DPAGT1: variants seen among roughly 807,000 people sequenced by gnomAD.
DPAGT1 encodes dolichyl-phosphate N-acetylglucosaminephosphotransferase 1.
DPAGT1 carries 25 observed loss-of-function variants against 39.3 expected under a neutral mutation model. That is an observed-to-expected ratio of 0.64 (90% CI 0.46 to 0.89). The LOEUF (loss-of-function observed/expected upper bound fraction) is 0.89. Among genes scored for constraint, DPAGT1 ranks in the 40% least tolerant of loss-of-function variants. The pLI is 0.00. For synonymous variants in DPAGT1, 193 were observed against 201.4 expected (o/e 0.96, Z 0.36); for missense variants, 381 against 500.6 (o/e 0.76, Z 2.28).
At chr11:119,099,372 C>G (rs1217472673) in intron 4 of DPAGT1, among the ~76,000 whole-genome samples, 1 of 142,122 alleles carries the variant, frequency 7.0e-6, no homozygotes, top group Non-Finnish European at 1.5e-5. Flanking sequence ...TGCGGTGAGC[C>G]GAGATCGCAC....
chr11:119,095,170 C>T (rs1565760965), downstream of DPAGT1: 1 of 1,614,044 alleles, frequency 6.2e-7, no homozygotes, highest in Admixed American at 1.7e-5. Context: ...TTCGCGTCTT[C>T]TTGTTGTCGC....
At chr11:119,095,642 G>C (rs1408506628), downstream of DPAGT1, among the ~76,000 whole-genome samples, 2 of 152,140 alleles carry the variant, frequency 1.3e-5, no homozygotes, top group East Asian at 1.9e-4. Flanking sequence ...CCTTTTGCCC[G>C]GGGAGAAAAG....
chr11:119,101,457 C>A, intron 1 of DPAGT1, 38 bp downstream of exon 1: 3 of 1,613,838 alleles, frequency 1.9e-6, no homozygotes, highest in Non-Finnish European at 2.5e-6. Flanking sequence ...CCTTCCTTAG[C>A]CCTTGCCCCC....
At chr11:119,100,167 C>T (rs1183357424) in intron 4 of DPAGT1, 95 bp downstream of exon 4, 8 of 1,560,166 alleles carry the variant, frequency 5.1e-6, no homozygotes, top group Non-Finnish European at 7.1e-6. Flanking sequence ...AATTACTATG[C>T]ATATTGCTTT....
intron 1 of DPAGT1, 74 bp downstream of exon 1, chr11:119,101,421 C>G (rs1244302383): frequency 1.2e-6 from 2 of 1,611,410 alleles, no homozygotes; most frequent in African/African-American, 1.3e-5. Context: ...TCAAGCACCC[C>G]GGTTCCCGCC....
Position 119,101,552 on chromosome 11 carries a change from T to C in DPAGT1, c.104A>G (p.His35Arg). ...ACCACAGAGGCGCGCAGCAATGAAG[T>C]GGCCCCGGAAGGCCGGGATGAGGGT... ...TVTLIPAFRG[H>R]FIAARLCGQD... Residue 35 changes from histidine to arginine, a missense_variant, in exon 1 of 9, where the codon CAC becomes CGC. Coordinates refer to ENST00000354202, the MANE Select transcript of DPAGT1 (RefSeq NM_001382.4). 1.2e-6 allele frequency: 2 copies of C among 1,614,238 alleles called. No individual in the cohort carries two copies. The highest frequency in any genetic ancestry group is 1.7e-6 in the Non-Finnish European group (2 of 1,180,038).
intron 1 of DPAGT1, 173 bp from the exon 2 acceptor site, chr11:119,101,311 C>G: frequency 7.2e-7 from 1 of 1,379,796 alleles, no homozygotes; most frequent in Non-Finnish European, 1.0e-6. Flanking sequence ...CAGATATACC[C>G]AAGGGTCCCT....
Position 119,098,327 on chromosome 11 carries a change from C to G in DPAGT1, c.728+76G>C. The G allele has an allele frequency of 2.7e-6, 4 of 1,505,848 alleles. No individual in the cohort carries two copies. The Middle Eastern group carries it at 5.1e-4, about 193-fold the overall frequency. The allele number at this position is 1,505,848 out of a possible 1,614,324, so 93.3% of individuals were successfully genotyped here. The stretch of plus-strand genomic sequence containing the variant: ...GTATGCGCAGGTTTAGCTTCACCAC[C>G]ACAAGGTGGGTTATGATAAGGGCCA... On this transcript the variant is annotated intron_variant, in intron 5 of 8. Coordinates refer to ENST00000354202, the MANE Select transcript of DPAGT1 (RefSeq NM_001382.4).
At position 119,101,482 on chromosome 11, in the gene DPAGT1, T is replaced by G; in HGVS notation, c.161+13A>C. The G allele has an allele frequency of 6.2e-7, 1 of 1,614,000 alleles. No individual in the cohort carries two copies. Among genetic ancestry groups the G allele is most frequent in the Non-Finnish European group, 8.5e-7 (1 of 1,179,890 alleles). On this transcript the variant is annotated intron_variant, in intron 1 of 8. Transcript: ENST00000354202. ...CCCTTGCCCCCTGCCCGGACCCGTG[T>G]GCCGCTGCTCACATCTGCTGTCGGC...
rs1946426502 is a variant in DPAGT1, at chr11:119,097,913, G to A, written c.859C>T (p.Leu287Phe). 6.2e-7 allele frequency: 1 copy of A among 1,614,194 alleles called. No homozygotes were observed. The highest frequency in any genetic ancestry group is 8.5e-7 in the Non-Finnish European group (1 of 1,180,036). ...TGCAGGAGCTGAGGCAGTGAGTAGAGGAAGTTGAACACCTGGGGCATGAAG... is the reference window on the plus strand; with the variant it reads ...TGCAGGAGCTGAGGCAGTGAGTAGAAGAAGTTGAACACCTGGGGCATGAAG... ...LFFMPQVFNF[L>F]YSLPQLLHII... The change falls in exon 6 of 9, where the codon CTC becomes TTC. Residue 287 changes from leucine to phenylalanine, a missense_variant. Leu to Phe is a conservative substitution (Grantham distance 22, BLOSUM62 0). Transcript: ENST00000354202. The surrounding 1 kb of genome is among the most constrained non-coding windows in gnomAD (Gnocchi z 4.6).
At position 119,096,756 on chromosome 11, in the gene DPAGT1, G is replaced by C. The variant is rs923050764; in HGVS notation, c.*242C>G. On this transcript the variant is annotated 3_prime_UTR_variant, in exon 9 of 9. Coordinates refer to ENST00000354202, the MANE Select transcript of DPAGT1 (RefSeq NM_001382.4). ...CCTATGAGGCTGCAAAGATGGGATGGAGAGGGAGAGAGTAGCAAGTTGCAG... is the reference window on the plus strand; with the variant it reads ...CCTATGAGGCTGCAAAGATGGGATGCAGAGGGAGAGAGTAGCAAGTTGCAG... 1 of 585,658 alleles carries C rather than the reference G, an allele frequency of 1.7e-6. No individual in the cohort carries two copies. Among genetic ancestry groups the C allele is most frequent in the East Asian group, 2.9e-5 (1 of 34,246 alleles). 36.3% of individuals were successfully genotyped at this position (585,658 alleles called of 1,614,324 possible).
chr11:119,101,686 C>A lies in DPAGT1; in HGVS notation c.-31G>T. 6.2e-7 allele frequency: 1 copy of A among 1,614,160 alleles called. No individual in the cohort carries two copies. The highest frequency in any genetic ancestry group is 8.5e-7 in the Non-Finnish European group (1 of 1,180,016). Reference sequence around the variant, plus strand: ...CCGGTCAGGGGCCCGGCTCCGCCGCCTCTTCAGGTAACGGGCAAGCTGAGC... The same window carrying A: ...CCGGTCAGGGGCCCGGCTCCGCCGCATCTTCAGGTAACGGGCAAGCTGAGC... On this transcript the variant is annotated 5_prime_UTR_variant, in exon 1 of 9. In the 5' UTR this introduces an upstream ATG that the reference lacks. Coordinates refer to ENST00000354202, the MANE Select transcript of DPAGT1 (RefSeq NM_001382.4).
chr11:119,101,691 C>T lies in DPAGT1; in HGVS notation c.-36G>A, dbSNP rs777529431. ...CAGGGGCCCGGCTCCGCCGCCTCTT[C>T]AGGTAACGGGCAAGCTGAGCAGCAG... is the stretch of plus-strand genomic sequence containing the variant. On this transcript the variant is annotated 5_prime_UTR_variant, in exon 1 of 9. Coordinates refer to ENST00000354202, the MANE Select transcript of DPAGT1 (RefSeq NM_001382.4). 1 of 1,614,078 alleles carries T rather than the reference C, an allele frequency of 6.2e-7. No individual in the cohort carries two copies. The highest frequency in any genetic ancestry group is 8.5e-7 in the Non-Finnish European group (1 of 1,179,994).
chr11:119,096,990 CA>C lies in DPAGT1; in HGVS notation c.*7del. The C allele has an allele frequency of 1.2e-6, 2 of 1,614,000 alleles. No individual in the cohort carries two copies. The highest frequency in any genetic ancestry group is 1.7e-6 in the Non-Finnish European group (2 of 1,179,980). On this transcript the variant is annotated 3_prime_UTR_variant, in exon 9 of 9. Transcript: ENST00000354202. ...AGACTGTGAGGTAAAGGACAATGAT[CA>C]AGGGACTCAGACATCATAGAAGAGT...
chr11:119,098,229 C>T lies in DPAGT1; in HGVS notation c.728+174G>A. On this transcript the variant is annotated intron_variant, in intron 5 of 8. Coordinates refer to ENST00000354202, the MANE Select transcript of DPAGT1 (RefSeq NM_001382.4). ...TCTATTCCTGGGGCCTCCACGCACT[C>T]ATCCCTAACTACTACTGGGTAGAGA... is the stretch of plus-strand genomic sequence containing the variant. The T allele has an allele frequency of 1.2e-5, 13 of 1,083,644 alleles. No homozygotes were observed. In the South Asian group the frequency reaches 1.4e-4, roughly 12 times the overall value. The allele number at this position is 1,083,644 out of a possible 1,614,324, so 67.1% of individuals were successfully genotyped here. A position where few individuals can be genotyped will look rare whatever the true frequency, so the allele number is the denominator to read the frequency against.
chr11:119,100,224 A>G (rs2134910356), intron 4 of DPAGT1, 38 bp downstream of exon 4: 2 of 1,613,708 alleles, frequency 1.2e-6, no homozygotes, highest in Middle Eastern at 1.7e-4. Context: ...CACCTTTAAC[A>G]CTCAGACTTC....
At chr11:119,095,555 C>T, downstream of DPAGT1, 3 of 792,628 alleles carry the variant, frequency 3.8e-6, no homozygotes, top group Non-Finnish European at 5.6e-6. Flanking sequence ...ATACCCGCCT[C>T]CGGTTGGTTG....
At chr11:119,094,671 A>C, downstream of DPAGT1, 3 of 269,858 alleles carry the variant, frequency 1.1e-5, no homozygotes, top group Non-Finnish European at 1.4e-5. Context: ...GAGGTCCCCG[A>C]AGAGCGCCCA....
Position 119,100,626 on chromosome 11 carries a change from C to T in DPAGT1, c.496+4G>A. The T allele has an allele frequency of 6.2e-7, 1 of 1,614,004 alleles. No homozygotes were observed. Among genetic ancestry groups the T allele is most frequent in the South Asian group, 1.1e-5 (1 of 91,054 alleles). On this transcript the variant is annotated splice_donor_region_variant and intron_variant, in intron 3 of 8. Coordinates refer to ENST00000354202, the MANE Select transcript of DPAGT1 (RefSeq NM_001382.4). ...ATAGGGGCAGCAGTGGTAGGACTAC[C>T]TACCCAAGTCCAGATGCAGGCCAAG...
Sources: gnomAD v4.1 joint callset for allele counts (sites outside exome capture counted in the v4.1 genomes callset) on GRCh38, gnomAD v4.1.1 for gene constraint, Gnocchi (gnomAD v3.1) non-coding constraint, MANE v1.5 for transcripts, NCBI Gene and HGNC (gene_info 2026-07-23, HGNC 2026-07-21) for gene names.